PACSIN2: variants seen among roughly 807,000 people sequenced by gnomAD.
The protein encoded by PACSIN2 is protein kinase C and casein kinase substrate in neurons protein 2.
Under a neutral mutation model 63.8 loss-of-function variants are expected in PACSIN2, and 25 were observed. The observed-to-expected ratio is 0.39, with a 90% CI of 0.29 to 0.55. The LOEUF (loss-of-function observed/expected upper bound fraction) is 0.55. Ranked by LOEUF, PACSIN2 falls within the 20% of genes least tolerant of loss-of-function variation. The pLI is 0.62. For missense variants in PACSIN2, 518 were observed against 646.9 expected, an observed-to-expected ratio of 0.80 and a Z score of 2.16; for synonymous variants, 255 against 256.2, an observed-to-expected ratio of 1.00 and a Z score of 0.05.
intron 1 of PACSIN2, among the ~76,000 whole-genome samples, chr22:42,947,506 AAC>A (rs1933477345): frequency 6.6e-6 from 1 of 152,026 alleles, no homozygotes; most frequent in African/African-American, 2.4e-5. Context: ...TTCCCTACCC[AAC>A]AGTCTGATGA....
chr22:42,942,024 G>A (rs958480517), intron 1 of PACSIN2, among the ~76,000 whole-genome samples: 30 of 151,812 alleles, frequency 2.0e-4, no homozygotes, highest in East Asian at 7.7e-4. Context: ...TGATCTGCCC[G>A]CCTCTGCCTC....
At chr22:42,983,316 CAAAAA>C (rs1180708676) in intron 1 of PACSIN2, among the ~76,000 whole-genome samples, 2 of 63,630 alleles carry the variant, frequency 3.1e-5, no homozygotes, top group Non-Finnish European at 6.9e-5. Context: ...GACTCCATCT[CAAAAA>C]AAAAAAAAAA....
intron 2 of PACSIN2, among the ~76,000 whole-genome samples, chr22:42,899,710 T>A (rs1215742044): frequency 6.6e-6 from 1 of 152,218 alleles, no homozygotes. Flanking sequence ...CATAGAAGTG[T>A]TCCCTTTGGT....
In PACSIN2 at chr22:42,870,900, G is replaced by A. The variant is rs1928057167; in HGVS notation, c.*457C>T. 5.8e-6 allele frequency: 1 copy of A among 171,870 alleles called. No individual in the cohort carries two copies. The highest frequency in any genetic ancestry group is 2.4e-5 in the African/African-American group (1 of 42,254). 10.6% of individuals were successfully genotyped at this position (171,870 alleles called of 1,614,324 possible). ...CCATAATTTAAGTAGAAATGAACAG[G>A]TGTATAAAAAAGTATAACTGTACAC... On this transcript the variant is annotated 3_prime_UTR_variant, in exon 11 of 11. Coordinates refer to ENST00000263246, the MANE Select transcript of PACSIN2 (RefSeq NM_001184970.3).
At chr22:42,974,248 C>G (rs935440484) in intron 1 of PACSIN2, among the ~76,000 whole-genome samples, 5 of 152,212 alleles carry the variant, frequency 3.3e-5, no homozygotes, top group African/African-American at 1.2e-4. Flanking sequence ...CCAGTTCCAC[C>G]AAGGGCCTGG....
intron 1 of PACSIN2, among the ~76,000 whole-genome samples, chr22:42,987,873 G>C (rs1437545850): frequency 6.6e-6 from 1 of 152,030 alleles, no homozygotes; most frequent in South Asian, 2.1e-4. Context: ...GGACGTAGTG[G>C]TTTATGTCTG....
intron 1 of PACSIN2, among the ~76,000 whole-genome samples, chr22:42,926,896 A>T (rs933182664): frequency 9.2e-5 from 14 of 152,014 alleles, no homozygotes; most frequent in African/African-American, 3.4e-4. Flanking sequence ...CAACAGAGCA[A>T]CCTCAGTGCA....
At chr22:42,960,132 A>C (rs374388575) in intron 1 of PACSIN2, among the ~76,000 whole-genome samples, 17 of 152,274 alleles carry the variant, frequency 1.1e-4, no homozygotes, top group African/African-American at 4.1e-4. Context: ...CCAACACACA[A>C]AAAATCAAAT....
intron 1 of PACSIN2, among the ~76,000 whole-genome samples, chr22:42,970,971 C>G (rs1921214425): frequency 6.6e-6 from 1 of 152,216 alleles, no homozygotes; most frequent in African/African-American, 2.4e-5. Context: ...CCACAGCCCT[C>G]TCTGCTACAG....
rs529625212 is a variant in PACSIN2 at position 42,933,299 on chromosome 22, A to G, written c.-77-21142T>C. Among the ~76,000 whole-genome samples, 6 of 152,354 alleles carry G rather than the reference A, an allele frequency of 3.9e-5. No homozygotes were observed. In the South Asian group the frequency reaches 1.2e-3, roughly 32 times the overall value. ...TATTTCTCAAAGCAATGAGATGTAG[A>G]AAGGTACCTCTCTGAATAATCCTGC... On this transcript the variant is annotated intron_variant, in intron 1 of 10. Coordinates refer to ENST00000263246, the MANE Select transcript of PACSIN2 (RefSeq NM_001184970.3).
intron 5 of PACSIN2, among the ~76,000 whole-genome samples, chr22:42,885,857 G>A (rs1929436634): frequency 6.6e-6 from 1 of 152,176 alleles, no homozygotes; most frequent in South Asian, 2.1e-4. Flanking sequence ...CAGGGCTGGG[G>A]CATGCCCAGC....
intron 1 of PACSIN2, among the ~76,000 whole-genome samples, chr22:42,961,447 TAAAAAAA>T (rs10678680): frequency 8.2e-6 from 1 of 121,216 alleles, no homozygotes; most frequent in Non-Finnish European, 1.7e-5. Flanking sequence ...AATGATCAAT[TAAAAAAA>T]AAAAAAAAAA....
intron 1 of PACSIN2, among the ~76,000 whole-genome samples, chr22:42,974,785 G>A (rs738396): frequency 0.59 from 85,779 of 145,876 alleles, 24,995 homozygotes; most frequent in East Asian, 0.78. Flanking sequence ...AGAGAAGAAG[G>A]AGGAGGAGGA....
chr22:42,971,632 G>A (rs1283982024), intron 1 of PACSIN2, among the ~76,000 whole-genome samples: 1 of 152,056 alleles, frequency 6.6e-6, no homozygotes, highest in Non-Finnish European at 1.5e-5. Context: ...CCATGTCTGG[G>A]AAGTGAGGAG....
intron 1 of PACSIN2, among the ~76,000 whole-genome samples, chr22:42,942,138 G>A (rs1468235101): frequency 7.0e-6 from 1 of 143,336 alleles, no homozygotes; most frequent in Non-Finnish European, 1.5e-5. Context: ...AATTTTTTTG[G>A]TAGAGACAGG....
At chr22:42,981,637 G>A (rs1240393328) in intron 1 of PACSIN2, among the ~76,000 whole-genome samples, 68 of 93,310 alleles carry the variant, frequency 7.3e-4, no homozygotes, top group South Asian at 1.1e-3. Context: ...CGCCCCGTCC[G>A]GGAGGGAGGT....
intron 1 of PACSIN2, among the ~76,000 whole-genome samples, chr22:42,950,853 G>A (rs556704854): frequency 6.6e-6 from 1 of 152,314 alleles, no homozygotes; most frequent in South Asian, 2.1e-4. Context: ...ATGGGTAGAA[G>A]TGACAAGGCC....
At chr22:42,931,908 A>G (rs1198111317) in intron 1 of PACSIN2, among the ~76,000 whole-genome samples, 1 of 152,234 alleles carries the variant, frequency 6.6e-6, no homozygotes, top group Non-Finnish European at 1.5e-5. Flanking sequence ...GCTAAAATGA[A>G]AACGTTTAAT....
At chr22:42,912,459 C>T (rs1210769959) in intron 1 of PACSIN2, among the ~76,000 whole-genome samples, 1 of 152,130 alleles carries the variant, frequency 6.6e-6, no homozygotes, top group Non-Finnish European at 1.5e-5. Flanking sequence ...GGCTAGGACC[C>T]GGGATAAAAC....
Sources: gnomAD v4.1 joint callset for allele counts (sites outside exome capture counted in the v4.1 genomes callset) on GRCh38, gnomAD v4.1.1 for gene constraint, MANE v1.5 for transcripts, NCBI Gene and HGNC (gene_info 2026-07-23, HGNC 2026-07-21) for gene names.